Variants in H2BC8 observed in about 807,000 individuals in gnomAD.
H2BC8 encodes H2B clustered histone 8, also known as histone H2B type 1-C/E/F/G/I.
A neutral mutation model predicts 6.3 loss-of-function variants in H2BC8; 11 were observed. The observed-to-expected ratio is 1.75, with a 90% confidence interval of 1.10 to 2.89. The LOEUF (loss-of-function observed/expected upper bound fraction) is 2.89. Among genes scored for constraint, H2BC8 ranks in the 30% most tolerant of loss-of-function variants. The pLI is 0.00. For missense variants in H2BC8, 195 were observed against 165.2 expected, an observed-to-expected ratio of 1.18 and a Z score of -0.99; for synonymous variants, 150 against 65.8, an observed-to-expected ratio of 2.28 and a Z score of -6.19.
chr6:26,216,574 T>A lies in H2BC8; in HGVS notation c.70A>T (p.Lys24Ter), dbSNP rs1177764883. 3 of 1,614,258 alleles carry A rather than the reference T, an allele frequency of 1.9e-6. No homozygotes were observed. The highest frequency in any genetic ancestry group is 2.5e-6 in the Non-Finnish European group (3 of 1,180,038). ...GSKKAVTKAQKKDGKKRKRSR... is the reference protein window; with the variant it reads ...GSKKAVTKAQ ...CGCTTGCGCTTCTTGCCATCCTTCTTCTGCGCCTTGGTCACAGCCTTCTTG... is the reference window on the plus strand; with the variant it reads ...CGCTTGCGCTTCTTGCCATCCTTCTACTGCGCCTTGGTCACAGCCTTCTTG... Residue 24 changes from lysine to a stop codon, truncating the protein, a stop_gained, in exon 1 of 1, where the codon AAG becomes TAG. Transcript: ENST00000541790. LOFTEE classifies it high-confidence loss of function.
At position 26,216,613 on chromosome 6, in the gene H2BC8, G is replaced by A. The variant is rs146860350; in HGVS notation, c.31C>T (p.Pro11Ser). The change falls in exon 1 of 1, where the codon CCG becomes TCG. Residue 11 changes from proline (P) to serine (S), a missense_variant. Physicochemically the swap from Pro to Ser is moderately conservative, Grantham distance 74 (BLOSUM62 -1). Transcript: ENST00000541790. Reference sequence around the variant, plus strand: ...ACAGCCTTCTTGGAACCCTTCTTCGGAGCAGGAGCTGACTTAGCTGGTTCA... The same window carrying A: ...ACAGCCTTCTTGGAACCCTTCTTCGAAGCAGGAGCTGACTTAGCTGGTTCA... The part of the protein sequence containing the change: MPEPAKSAPA[P>S]KKGSKKAVTK... The A allele has an allele frequency of 8.7e-6, 14 of 1,613,904 alleles. No homozygotes were observed. Among genetic ancestry groups the A allele is most frequent in the Non-Finnish European group, 1.1e-5 (13 of 1,179,986 alleles).
rs756138373 is a variant in H2BC8 at position 26,216,350 on chromosome 6, G to A, written c.294C>T (p.Ala98=). The change falls in exon 1 of 1, where the codon GCC becomes GCT. Residue 98 remains alanine, a synonymous_variant. Coordinates refer to ENST00000541790, the MANE Select transcript of H2BC8 (RefSeq NM_003518.4). ...STITSREIQT[A]VRLLLPGELA... ...GCTCTCCGGGAAGCAGCAGACGCAC[G>A]GCGGTCTGGATCTCCCTGGAGGTAA... 6 of 1,614,156 alleles carry A rather than the reference G, an allele frequency of 3.7e-6. No individual in the cohort carries two copies. The highest frequency in any genetic ancestry group is 2.2e-5 in the South Asian group (2 of 91,084).
chr6:26,216,666 A>T lies in H2BC8; in HGVS notation c.-23T>A. On this transcript the variant is annotated 5_prime_UTR_variant, in exon 1 of 1. Coordinates refer to ENST00000541790, the MANE Select transcript of H2BC8 (RefSeq NM_003518.4). ...CATGCTGTCAGAAAACAATAACAGC[A>T]GTGAGAATGAACGCACTTAAATAAA... 1 of 1,595,842 alleles carries T rather than the reference A, an allele frequency of 6.3e-7. No individual in the cohort carries two copies. Among genetic ancestry groups the T allele is most frequent in the South Asian group, 1.1e-5 (1 of 88,702 alleles).
Position 26,216,616 on chromosome 6 carries a change from C to CAGGAGCTGACTTAGCTGGTTCA in H2BC8, c.6_27dup (p.Ala10Ter). 6.2e-7 allele frequency: 1 copy of CAGGAGCTGACTTAGCTGGTTCA among 1,613,966 alleles called. No homozygotes were observed. The highest frequency in any genetic ancestry group is 2.2e-5 in the East Asian group (1 of 44,890). ...GCCTTCTTGGAACCCTTCTTCGGAGCAGGAGCTGACTTAGCTGGTTCAGGC... is the reference window on the plus strand; with the variant it reads ...GCCTTCTTGGAACCCTTCTTCGGAGCAGGAGCTGACTTAGCTGGTTCAAGGAGCTGACTTAGCTGGTTCAGGC... On this transcript the variant is annotated stop_gained and frameshift_variant, in exon 1 of 1. Coordinates refer to ENST00000541790, the MANE Select transcript of H2BC8 (RefSeq NM_003518.4). LOFTEE classifies it high-confidence loss of function.
rs146142074 is a variant in H2BC8, at chr6:26,216,580, C to G, written c.64G>C (p.Ala22Pro). 5.6e-6 allele frequency: 9 copies of G among 1,614,210 alleles called. No homozygotes were observed. In the East Asian group the frequency reaches 6.7e-5, roughly 12 times the overall value. Residue 22 changes from alanine (A) to proline (P), a missense_variant, in exon 1 of 1, where the codon GCG (alanine) becomes CCG (proline). Physicochemically the swap from Ala to Pro is conservative, Grantham distance 27. Transcript: ENST00000541790. The part of the protein sequence containing the change: ...KKGSKKAVTK[A>P]QKKDGKKRKR... ...CGCTTCTTGCCATCCTTCTTCTGCG[C>G]CTTGGTCACAGCCTTCTTGGAACCC... is the stretch of plus-strand genomic sequence containing the variant.
In H2BC8 at chr6:26,216,584, G is replaced by A. The variant is rs144645222; in HGVS notation, c.60C>T (p.Thr20=). 1.0e-4 allele frequency: 168 copies of A among 1,614,072 alleles called. No individual in the cohort carries two copies. The highest frequency in any genetic ancestry group is 1.3e-4 in the Non-Finnish European group (158 of 1,180,046). The change falls in exon 1 of 1, where the codon ACC becomes ACT. Residue 20 remains threonine (T), a synonymous_variant. Transcript: ENST00000541790. ...APKKGSKKAV[T]KAQKKDGKKR... is the part of the protein sequence containing the mutation. ...TCTTGCCATCCTTCTTCTGCGCCTTGGTCACAGCCTTCTTGGAACCCTTCT... is the reference window on the plus strand; with the variant it reads ...TCTTGCCATCCTTCTTCTGCGCCTTAGTCACAGCCTTCTTGGAACCCTTCT...
In H2BC8 at chr6:26,216,518, CACAT is replaced by C; in HGVS notation, c.122_125del (p.Tyr41CysfsTer5). The C allele has an allele frequency of 6.2e-7, 1 of 1,614,244 alleles. No individual in the cohort carries two copies. The highest frequency in any genetic ancestry group is 2.2e-5 in the East Asian group (1 of 44,888). Reference sequence around the variant, plus strand: ...GGTGAACCTGTTTTAGCACCTTGTACACATACACGGAGTAGCTCTCCTTACGACT... The same window carrying C: ...GGTGAACCTGTTTTAGCACCTTGTACACACGGAGTAGCTCTCCTTACGACT... On this transcript the variant is annotated frameshift_variant, in exon 1 of 1. Transcript: ENST00000541790. LOFTEE classifies it high-confidence loss of function.
At position 26,216,608 on chromosome 6, in the gene H2BC8, C is replaced by T. The variant is rs769327331; in HGVS notation, c.36G>A (p.Lys12=). ...TGGTCACAGCCTTCTTGGAACCCTT[C>T]TTCGGAGCAGGAGCTGACTTAGCTG... ...PEPAKSAPAP[K]KGSKKAVTKA... is the part of the protein sequence containing the mutation. The change falls in exon 1 of 1, where the codon AAG becomes AAA. Residue 12 remains lysine, a synonymous_variant. Coordinates refer to ENST00000541790, the MANE Select transcript of H2BC8 (RefSeq NM_003518.4). 1.2e-5 allele frequency: 19 copies of T among 1,614,156 alleles called. No individual in the cohort carries two copies. Among genetic ancestry groups the T allele is most frequent in the Non-Finnish European group, 1.5e-5 (18 of 1,180,020 alleles).
rs758732493 is a variant in H2BC8 at position 26,216,629 on chromosome 6, A to G, written c.15T>C (p.Ala5=). The G allele has an allele frequency of 1.2e-6, 2 of 1,613,100 alleles. No individual in the cohort carries two copies. Among genetic ancestry groups the G allele is most frequent in the South Asian group, 1.1e-5 (1 of 90,964 alleles). Residue 5 remains alanine, a synonymous_variant, in exon 1 of 1, where the codon GCT becomes GCC. Coordinates refer to ENST00000541790, the MANE Select transcript of H2BC8 (RefSeq NM_003518.4). The part of the protein sequence containing the change: MPEP[A]KSAPAPKKGS... ...CCTTCTTCGGAGCAGGAGCTGACTT[A>G]GCTGGTTCAGGCATGCTGTCAGAAA... is the stretch of plus-strand genomic sequence containing the variant.
At position 26,216,563 on chromosome 6, in the gene H2BC8, GC is replaced by G. The variant is rs753597313; in HGVS notation, c.80del (p.Gly27AlafsTer20). On this transcript the variant is annotated frameshift_variant, in exon 1 of 1. Coordinates refer to ENST00000541790, the MANE Select transcript of H2BC8 (RefSeq NM_003518.4). LOFTEE classifies it high-confidence loss of function. ...KAVTKAQKKDGKKRKRSRKES... is the reference protein window; with the variant it reads ...KAVTKAQKKDXKKRKRSRKES... ...CCTTACGACTGCGCTTGCGCTTCTT[GC>G]CATCCTTCTTCTGCGCCTTGGTCAC... 9.3e-6 allele frequency: 15 copies of G among 1,614,200 alleles called. No homozygotes were observed. In the South Asian group the frequency reaches 1.6e-4, roughly 18 times the overall value.
rs1161875314 is a variant in H2BC8, at chr6:26,216,457, T to G, written c.187A>C (p.Met63Leu). The G allele has an allele frequency of 6.2e-7, 1 of 1,614,126 alleles. No individual in the cohort carries two copies. Among genetic ancestry groups the G allele is most frequent in the Non-Finnish European group, 8.5e-7 (1 of 1,180,052 alleles). Residue 63 changes from methionine to leucine, a missense_variant, in exon 1 of 1, where the codon ATG becomes CTG. Met to Leu is a conservative substitution (Grantham distance 15). Coordinates refer to ENST00000541790, the MANE Select transcript of H2BC8 (RefSeq NM_003518.4). Reference sequence around the variant, plus strand: ...AAGATGTCGTTAACGAAGGAATTCATGATGCCCATGGCCTTGGATGAGATG... The same window carrying G: ...AAGATGTCGTTAACGAAGGAATTCAGGATGCCCATGGCCTTGGATGAGATG... The part of the protein sequence containing the change: ...TGISSKAMGI[M>L]NSFVNDIFER...
In H2BC8 at chr6:26,216,416, G is replaced by A. The variant is rs761370253; in HGVS notation, c.228C>T (p.Gly76=). 7 of 1,614,052 alleles carry A rather than the reference G, an allele frequency of 4.3e-6. No individual in the cohort carries two copies. Among genetic ancestry groups the A allele is most frequent in the Non-Finnish European group, 5.1e-6 (6 of 1,180,048 alleles). The change falls in exon 1 of 1, where the codon GGC becomes GGT. Residue 76 remains glycine, a synonymous_variant. Transcript: ENST00000541790. The stretch of plus-strand genomic sequence containing the variant: ...TGTAGTGGGCCAGACGGGAAGCCTC[G>A]CCTGCGATGCGTTCGAAGATGTCGT... ...FVNDIFERIA[G]EASRLAHYNK...
chr6:26,216,467 G>T lies in H2BC8; in HGVS notation c.177C>A (p.Ala59=). The change falls in exon 1 of 1, where the codon GCC becomes GCA. Residue 59 remains alanine, a synonymous_variant. Coordinates refer to ENST00000541790, the MANE Select transcript of H2BC8 (RefSeq NM_003518.4). The part of the protein sequence containing the change: ...VHPDTGISSK[A]MGIMNSFVND... Reference sequence around the variant, plus strand: ...TAACGAAGGAATTCATGATGCCCATGGCCTTGGATGAGATGCCAGTATCGG... The same window carrying T: ...TAACGAAGGAATTCATGATGCCCATTGCCTTGGATGAGATGCCAGTATCGG... 1 of 1,614,248 alleles carries T rather than the reference G, an allele frequency of 6.2e-7. No individual in the cohort carries two copies. The highest frequency in any genetic ancestry group is 2.2e-5 in the East Asian group (1 of 44,880).
rs761654812 is a variant in H2BC8 at position 26,216,616 on chromosome 6, C to G, written c.28G>C (p.Ala10Pro). The change falls in exon 1 of 1, where the codon GCT becomes CCT. Residue 10 changes from alanine to proline, a missense_variant. Physicochemically the swap from Ala to Pro is conservative, Grantham distance 27 (BLOSUM62 -1). Transcript: ENST00000541790. MPEPAKSAP[A>P]PKKGSKKAVT... ...GCCTTCTTGGAACCCTTCTTCGGAG[C>G]AGGAGCTGACTTAGCTGGTTCAGGC... 4 of 1,613,966 alleles carry G rather than the reference C, an allele frequency of 2.5e-6. No individual in the cohort carries two copies. The highest frequency in any genetic ancestry group is 2.2e-5 in the South Asian group (2 of 91,066).
rs1285827870 is a variant in H2BC8, at chr6:26,216,549, C to A, written c.95G>T (p.Arg32Leu). The change falls in exon 1 of 1, where the codon CGC (arginine) becomes CTC (leucine). Residue 32 changes from arginine to leucine, a missense_variant. Coordinates refer to ENST00000541790, the MANE Select transcript of H2BC8 (RefSeq NM_003518.4). ...CACGGAGTAGCTCTCCTTACGACTG[C>A]GCTTGCGCTTCTTGCCATCCTTCTT... The part of the protein sequence containing the change: ...AQKKDGKKRK[R>L]SRKESYSVYV... The A allele has an allele frequency of 6.2e-7, 1 of 1,614,206 alleles. No homozygotes were observed.
Position 26,216,659 on chromosome 6 carries a change from T to G in H2BC8, c.-16A>C. ...GTTCAGGCATGCTGTCAGAAAACAA[T>G]AACAGCAGTGAGAATGAACGCACTT... On this transcript the variant is annotated 5_prime_UTR_variant, in exon 1 of 1. Transcript: ENST00000541790. 6.2e-7 allele frequency: 1 copy of G among 1,602,372 alleles called. No individual in the cohort carries two copies. The highest frequency in any genetic ancestry group is 8.5e-7 in the Non-Finnish European group (1 of 1,175,488).
chr6:26,216,395 G>A lies in H2BC8; in HGVS notation c.249C>T (p.His83=), dbSNP rs778724341. 1.1e-5 allele frequency: 18 copies of A among 1,614,084 alleles called. No individual in the cohort carries two copies. The highest frequency in any genetic ancestry group is 6.7e-5 in the Admixed American group (4 of 60,006). The change falls in exon 1 of 1, where the codon CAC becomes CAT. Residue 83 remains histidine, a synonymous_variant. Transcript: ENST00000541790. ...AGGTAATGGTCGAGCGCTTGTTGTA[G>A]TGGGCCAGACGGGAAGCCTCGCCTG... ...RIAGEASRLA[H]YNKRSTITSR... is the part of the protein sequence containing the mutation.
Position 26,216,299 on chromosome 6 carries a change from A to G in H2BC8, c.345T>C (p.Gly115=). 6.2e-7 allele frequency: 1 copy of G among 1,612,586 alleles called. No individual in the cohort carries two copies. Among genetic ancestry groups the G allele is most frequent in the Non-Finnish European group, 8.5e-7 (1 of 1,179,096 alleles). The change falls in exon 1 of 1, where the codon GGT becomes GGC. Residue 115 remains glycine, a synonymous_variant. Coordinates refer to ENST00000541790, the MANE Select transcript of H2BC8 (RefSeq NM_003518.4). ...GELAKHAVSE[G]TKAVTKYTSS... ...TTGTATACTTGGTGACAGCCTTGGT[A>G]CCTTCGGACACTGCGTGCTTGGCCA...
rs1451785501 is a variant in H2BC8 at position 26,216,600 on chromosome 6, G to C, written c.44C>G (p.Ser15Cys). ...AKSAPAPKKG[S>C]KKAVTKAQKK... ...CTGCGCCTTGGTCACAGCCTTCTTG[G>C]AACCCTTCTTCGGAGCAGGAGCTGA... is the stretch of plus-strand genomic sequence containing the variant. Residue 15 changes from serine (S) to cysteine (C), a missense_variant, in exon 1 of 1, where the codon TCC becomes TGC. Physicochemically the swap from Ser to Cys is moderately radical, Grantham distance 112. Transcript: ENST00000541790. 1.2e-6 allele frequency: 2 copies of C among 1,613,990 alleles called. No individual in the cohort carries two copies. The highest frequency in any genetic ancestry group is 3.3e-5 in the Admixed American group (2 of 59,974).
Sources: allele counts gnomAD v4.1 joint callset, GRCh38; gene constraint gnomAD v4.1.1; transcripts MANE v1.5; gene names NCBI Gene and HGNC (gene_info 2026-07-23, HGNC 2026-07-21).